Variants in RABGAP1L observed in about 807,000 individuals in gnomAD.
RABGAP1L encodes RAB GTPase activating protein 1 like, also known as rab GTPase-activating protein 1-like.
A neutral mutation model predicts 137.7 loss-of-function variants in RABGAP1L; 63 were observed. That is an observed-to-expected ratio of 0.46 (90% CI 0.37 to 0.56). The LOEUF (loss-of-function observed/expected upper bound fraction) is 0.56, where lower values mean the gene tolerates loss of function less well. Among genes scored for constraint, RABGAP1L ranks in the 20% least tolerant of loss-of-function variants. RABGAP1L has a pLI of 0.00. For synonymous variants in RABGAP1L, 431 were observed against 433.7 expected (o/e 0.99, Z 0.08); for missense variants, 1,095 against 1,244.0 (o/e 0.88, Z 1.80).
At chr1:174,612,505 G>T (rs1367640054) in intron 13 of RABGAP1L, among the ~76,000 whole-genome samples, 1 of 152,198 alleles carries the variant, frequency 6.6e-6, no homozygotes, top group Admixed American at 6.5e-5. Context: ...AAGGATATTG[G>T]TCTAAAATTC....
At chr1:174,632,481 A>G (rs1490776013) in intron 13 of RABGAP1L, among the ~76,000 whole-genome samples, 18 of 150,170 alleles carry the variant, frequency 1.2e-4, no homozygotes, top group African/African-American at 4.5e-4. Context: ...AATATCCTGC[A>G]GAGTGTTTTC....
At chr1:174,755,683 A>G (rs1300178420) in intron 18 of RABGAP1L, among the ~76,000 whole-genome samples, 1 of 152,210 alleles carries the variant, frequency 6.6e-6, no homozygotes, top group African/African-American at 2.4e-5. Flanking sequence ...ATAAGTATGC[A>G]TTACCTACCT....
At chr1:174,229,902 A>G (rs1670491760) in intron 3 of RABGAP1L, among the ~76,000 whole-genome samples, 1 of 152,152 alleles carries the variant, frequency 6.6e-6, no homozygotes, top group Non-Finnish European at 1.5e-5. Context: ...AAGTGTTCCT[A>G]TTTCTCCACA....
intron 13 of RABGAP1L, among the ~76,000 whole-genome samples, chr1:174,507,208 G>A (rs1337169225): frequency 6.6e-6 from 1 of 152,146 alleles, no homozygotes; most frequent in African/African-American, 2.4e-5. Context: ...GAATACTGCT[G>A]CTTTTCATTT....
At chr1:174,391,923 A>G (rs760559691) in intron 12 of RABGAP1L, among the ~76,000 whole-genome samples, 6 of 152,276 alleles carry the variant, frequency 3.9e-5, no homozygotes, top group African/African-American at 9.6e-5. Context: ...TGTTTTTCCT[A>G]TTCAACAGTA....
At chr1:174,587,961 T>A (rs571875031) in intron 13 of RABGAP1L, among the ~76,000 whole-genome samples, 238 of 152,288 alleles carry the variant, frequency 1.6e-3, no homozygotes, top group African/African-American at 5.6e-3. Flanking sequence ...CCTCCTGTGT[T>A]CAAGTGATTC....
intron 19 of RABGAP1L, among the ~76,000 whole-genome samples, chr1:174,926,756 G>A (rs1041313227): frequency 7.3e-5 from 11 of 151,660 alleles, no homozygotes; most frequent in Non-Finnish European, 1.5e-4. Context: ...TCATCTTACG[G>A]CATCAACAGT....
intron 20 of RABGAP1L, among the ~76,000 whole-genome samples, chr1:174,967,133 G>A (rs995591584): frequency 2.0e-5 from 3 of 150,766 alleles, no homozygotes; most frequent in Non-Finnish European, 4.4e-5. Context: ...GGAAGGCAGC[G>A]TAAGCATTTC....
At chr1:174,443,673 C>G (rs1001877988) in intron 13 of RABGAP1L, among the ~76,000 whole-genome samples, 2 of 151,962 alleles carry the variant, frequency 1.3e-5, no homozygotes, top group African/African-American at 4.8e-5. Context: ...TGTGCAGAAG[C>G]TTTTTAGCTT....
chr1:174,459,208 T>A (rs893496183), intron 13 of RABGAP1L, among the ~76,000 whole-genome samples: 8 of 152,138 alleles, frequency 5.3e-5, no homozygotes, highest in Non-Finnish European at 7.4e-5. Context: ...TCTTGATGAT[T>A]CAGTTAATCA....
chr1:174,869,301 T>A (rs1056944254), intron 19 of RABGAP1L, among the ~76,000 whole-genome samples: 5 of 151,732 alleles, frequency 3.3e-5, no homozygotes, highest in African/African-American at 1.2e-4. Flanking sequence ...GGTGAGTGGA[T>A]CATGGGGGAG....
intron 19 of RABGAP1L, chr1:174,850,181 T>C (rs180679347): frequency 6.3e-5 from 26 of 410,142 alleles, no homozygotes; most frequent in Admixed American, 1.2e-4. Context: ...CCTCATAACA[T>C]GATGCCCTCA....
intron 14 of RABGAP1L, among the ~76,000 whole-genome samples, chr1:174,649,631 C>T (rs1675289640): frequency 1.3e-5 from 2 of 152,060 alleles, no homozygotes; most frequent in African/African-American, 4.8e-5. Flanking sequence ...ATTTGGCTCT[C>T]TGTTTGTCTG....
rs1390399569 is a variant in RABGAP1L, at chr1:174,711,146, G to A, written c.2169+8890G>A. Among the ~76,000 whole-genome samples the A allele has an allele frequency of 3.9e-5, 6 of 152,054 alleles. No individual in the cohort carries two copies. In the East Asian group the frequency reaches 9.8e-4, roughly 25 times the overall value. The stretch of plus-strand genomic sequence containing the variant: ...GGCCGCTGTGAGTGCGGGGCCTGCC[G>A]AGCCCACGCCCACCCGGAACTCACG... On this transcript the variant is annotated intron_variant, in intron 17 of 25. Transcript: ENST00000681986.
Position 174,766,879 on chromosome 1 carries a change from C to CT in RABGAP1L, c.2211+14526dup, listed in dbSNP as rs1685709482. The stretch of plus-strand genomic sequence containing the variant: ...CACCAATAGAACAGACTTGTTAAGT[C>CT]TGTTAAACATTTACAATCTATTCTC... On this transcript the variant is annotated intron_variant, in intron 18 of 25. Transcript: ENST00000681986. Among the ~76,000 whole-genome samples, 10 of 152,262 alleles carry CT rather than the reference C, an allele frequency of 6.6e-5. No homozygotes were observed. In the South Asian group the frequency reaches 1.9e-3, roughly 28 times the overall value.
intron 13 of RABGAP1L, among the ~76,000 whole-genome samples, chr1:174,423,040 T>G (rs1235286650): frequency 1.3e-5 from 2 of 152,240 alleles, no homozygotes; most frequent in South Asian, 4.1e-4. Context: ...CCAAAATGTT[T>G]CATAAATATA....
At chr1:174,472,181 A>G (rs1326894392) in intron 13 of RABGAP1L, among the ~76,000 whole-genome samples, 4 of 152,220 alleles carry the variant, frequency 2.6e-5, no homozygotes, top group Non-Finnish European at 4.4e-5. Flanking sequence ...TCTTGCAGCC[A>G]GGGCAGACTG....
At chr1:174,295,674 GC>G (rs1450753754) in intron 10 of RABGAP1L, among the ~76,000 whole-genome samples, 6 of 149,328 alleles carry the variant, frequency 4.0e-5, no homozygotes, top group African/African-American at 1.5e-4. Context: ...ATGAGCCACC[GC>G]AGCCAGCCTT....
At position 174,540,647 on chromosome 1, in the gene RABGAP1L, G is replaced by A. The variant is rs1374328858; in HGVS notation, c.1711-96728G>A. On this transcript the variant is annotated intron_variant, in intron 13 of 25. Transcript: ENST00000681986. ...CTGAGGGCTCTGTTCTGTTCCATTG[G>A]TCTATATCTCTGTTTTGGTACCAGT... Among the ~76,000 whole-genome samples the A allele has an allele frequency of 8.5e-5, 13 of 152,054 alleles. No homozygotes were observed. In the East Asian group the frequency reaches 1.4e-3, roughly 16 times the overall value.
Sources: gnomAD v4.1 joint callset for allele counts (sites outside exome capture counted in the v4.1 genomes callset) on GRCh38, gnomAD v4.1.1 for gene constraint, MANE v1.5 for transcripts, NCBI Gene and HGNC (gene_info 2026-07-23, HGNC 2026-07-21) for gene names.